Variants in VIT observed in about 807,000 individuals in gnomAD.
The protein encoded by VIT is vitrin.
Under a neutral mutation model 78.0 loss-of-function variants are expected in VIT, and 99 were observed. The observed-to-expected ratio is 1.27, with a 90% CI of 1.08 to 1.50. The LOEUF is 1.50. VIT is among the 40% of genes most tolerant of loss of function. VIT has a pLI of 0.00. For synonymous variants in VIT, 374 were observed against 334.3 expected (o/e 1.12, Z -1.29); for missense variants, 1,126 against 875.3 (o/e 1.29, Z -3.61).
rs761066936 is a variant in VIT at position 36,787,281 on chromosome 2, G to C, written c.1058+5G>C. The C allele has an allele frequency of 5.0e-6, 8 of 1,608,862 alleles. No individual in the cohort carries two copies. The highest frequency in any genetic ancestry group is 6.8e-6 in the Non-Finnish European group (8 of 1,176,776). On this transcript the variant is annotated splice_donor_5th_base_variant and intron_variant, in intron 12 of 15. Coordinates refer to ENST00000379242, the MANE Select transcript of VIT (RefSeq NM_053276.4). ...GATGGGTGTTGTCCAGTATGGGTAA[G>C]TGCAGTTAATGTTCTGAATCCAGAA...
intron 2 of VIT, among the ~76,000 whole-genome samples, chr2:36,720,120 T>A (rs1666401899): frequency 6.6e-6 from 1 of 152,172 alleles, no homozygotes; most frequent in Non-Finnish European, 1.5e-5. Flanking sequence ...ATGGCATTTT[T>A]CACAGAAATT....
chr2:36,780,121 T>C (rs576763486), intron 9 of VIT, among the ~76,000 whole-genome samples: 1 of 152,368 alleles, frequency 6.6e-6, no homozygotes, highest in Admixed American at 6.5e-5. Context: ...CAAATATTTT[T>C]CAGCCTTTGG....
At chr2:36,776,823 G>A (rs569930442) in intron 9 of VIT, among the ~76,000 whole-genome samples, 57 of 151,034 alleles carry the variant, frequency 3.8e-4, no homozygotes, top group African/African-American at 1.4e-3. Context: ...TGGCGCGGTG[G>A]CTCACACCTG....
chr2:36,791,547 G>A (rs1480722140), intron 12 of VIT, among the ~76,000 whole-genome samples: 4 of 152,224 alleles, frequency 2.6e-5, no homozygotes, highest in African/African-American at 7.2e-5. Context: ...ATGTTGCAGT[G>A]TAGCCACACG....
chr2:36,727,616 G>C, intron 2 of VIT, among the ~76,000 whole-genome samples: 1 of 152,230 alleles, frequency 6.6e-6, no homozygotes, highest in Non-Finnish European at 1.5e-5. Context: ...GGACCTTTCA[G>C]CAGGGGCTGA....
At chr2:36,711,403 A>C (rs1216286773) in intron 1 of VIT, among the ~76,000 whole-genome samples, 1 of 152,204 alleles carries the variant, frequency 6.6e-6, no homozygotes. Flanking sequence ...AGTCTTAACA[A>C]GATGCAACCT....
At position 36,787,140 on chromosome 2, in the gene VIT, G is replaced by C; in HGVS notation, c.922G>C (p.Asp308His). ...TTTCCGTTCCGCAGACTGCAAAATT[G>C]ACTTGTCGTTTTTAATTGATGGGAG... ...VSLGDPNCKI[D>H]LSFLIDGSTS... The change falls in exon 12 of 16, where the codon GAC (aspartate) becomes CAC (histidine). Residue 308 changes from aspartate (D) to histidine (H), a missense_variant. Transcript: ENST00000379242. 1 of 1,614,176 alleles carries C rather than the reference G, an allele frequency of 6.2e-7. No homozygotes were observed. The highest frequency in any genetic ancestry group is 1.3e-5 in the African/African-American group (1 of 75,054).
chr2:36,805,393 T>C lies in VIT; in HGVS notation c.1163-45T>C, dbSNP rs372942497. The stretch of plus-strand genomic sequence containing the variant: ...CTGCTGTGATCTCTTCCTGTATTTA[T>C]AATCAGCGTGATCACTCCAAGCATG... On this transcript the variant is annotated intron_variant, in intron 13 of 15. Coordinates refer to ENST00000379242, the MANE Select transcript of VIT (RefSeq NM_053276.4). 2.6e-6 allele frequency: 4 copies of C among 1,535,816 alleles called. No homozygotes were observed. In the African/African-American group the frequency reaches 5.5e-5, roughly 21 times the overall value.
intron 1 of VIT, among the ~76,000 whole-genome samples, chr2:36,715,814 T>A (rs1666097519): frequency 6.6e-6 from 1 of 152,212 alleles, no homozygotes; most frequent in African/African-American, 2.4e-5. Flanking sequence ...TAACATTCTC[T>A]TATGCAATTT....
intron 5 of VIT, among the ~76,000 whole-genome samples, chr2:36,757,337 G>T (rs537152595): frequency 4.6e-5 from 7 of 152,290 alleles, no homozygotes; most frequent in African/African-American, 1.7e-4. Context: ...TTTACGGCCC[G>T]CATGATCTTT....
chr2:36,740,131 A>C (rs1051431166), intron 3 of VIT, among the ~76,000 whole-genome samples: 2 of 152,192 alleles, frequency 1.3e-5, no homozygotes, highest in African/African-American at 4.8e-5. Context: ...CTGCACTTTT[A>C]GGATCAAACT....
intron 7 of VIT, among the ~76,000 whole-genome samples, chr2:36,768,330 G>T (rs1338036701): frequency 6.6e-6 from 1 of 152,128 alleles, no homozygotes; most frequent in East Asian, 1.9e-4. Context: ...TACTTGGGAG[G>T]CTGAAGCTGG....
At chr2:36,699,585 T>TATATAC (rs1356181789) in intron 1 of VIT, among the ~76,000 whole-genome samples, 1 of 5,666 alleles carries the variant, frequency 1.8e-4, no homozygotes. Context: ...TAGAGGAGAT[T>TATATAC]ATAGATATAG....
At chr2:36,765,835 G>C (rs1373921483) in intron 6 of VIT, among the ~76,000 whole-genome samples, 1 of 152,256 alleles carries the variant, frequency 6.6e-6, no homozygotes, top group Non-Finnish European at 1.5e-5. Context: ...TCTGACTTCT[G>C]GCTTCCAGAA....
chr2:36,730,596 T>C (rs940516809), intron 3 of VIT, among the ~76,000 whole-genome samples: 1 of 152,236 alleles, frequency 6.6e-6, no homozygotes, highest in South Asian at 2.1e-4. Context: ...CAGCCGGTGG[T>C]GCCTCACCTG....
intron 4 of VIT, among the ~76,000 whole-genome samples, chr2:36,752,908 A>G (rs532682112): frequency 6.6e-6 from 1 of 152,352 alleles, no homozygotes; most frequent in South Asian, 2.1e-4. Flanking sequence ...ACATGCATAC[A>G]TATGTTCATT....
At chr2:36,805,799 G>C (rs1666679884) in intron 14 of VIT, 135 bp downstream of exon 14, 2 of 937,652 alleles carry the variant, frequency 2.1e-6, no homozygotes, top group South Asian at 3.6e-5. Flanking sequence ...CCTCCAGGGA[G>C]GGACTGGTCA....
intron 1 of VIT, among the ~76,000 whole-genome samples, chr2:36,700,624 A>C (rs7584908): frequency 0.82 from 125,274 of 151,896 alleles, 52,561 homozygotes; most frequent in Middle Eastern, 0.95. Context: ...CGCCTGTAGT[A>C]CCAGCTACTA....
In VIT at chr2:36,719,951, C is replaced by T. The variant is rs890422214; in HGVS notation, c.52+3529C>T. 1.4e-3 allele frequency among the ~76,000 whole-genome samples: 213 copies of T among 151,698 alleles called. 3 individuals are homozygous for T. Among genetic ancestry groups the T allele is most frequent in the Admixed American group, 0.014 (213 of 15,208 alleles). On this transcript the variant is annotated intron_variant, in intron 2 of 15. Coordinates refer to ENST00000379242, the MANE Select transcript of VIT (RefSeq NM_053276.4). ...AGTGAGGCCCTGACTCACACACACA[C>T]ACAAAAAGATGCAGAAAATTAAAGA...
Sources: gnomAD v4.1 joint callset for allele counts (sites outside exome capture counted in the v4.1 genomes callset) on GRCh38, gnomAD v4.1.1 for gene constraint, MANE v1.5 for transcripts, NCBI Gene and HGNC (gene_info 2026-07-23, HGNC 2026-07-21) for gene names.